Variants in SNX29 observed in about 807,000 individuals in gnomAD.
SNX29 encodes the protein sorting nexin 29, also known as sorting nexin-29.
In SNX29, 78 loss-of-function variants were observed where a neutral mutation model predicts 102.1. The observed-to-expected ratio is 0.76, with a 90% confidence interval of 0.64 to 0.92. SNX29 has a LOEUF of 0.92. Ranked by LOEUF, SNX29 falls within the 40% of genes least tolerant of loss-of-function variation. The pLI, the probability that SNX29 is intolerant of heterozygous loss-of-function variation, is 0.00. For synonymous variants in SNX29, 580 were observed against 414.5 expected, an observed-to-expected ratio of 1.40 and a Z score of -4.85; for missense variants, 1,280 against 1,061.7, an observed-to-expected ratio of 1.21 and a Z score of -2.86.
chr16:12,154,249 A>C (rs1210592539), intron 13 of SNX29, among the ~76,000 whole-genome samples: 2 of 152,062 alleles, frequency 1.3e-5, no homozygotes, highest in Non-Finnish European at 2.9e-5. Flanking sequence ...GTAATTGCCC[A>C]CAGAAGGAGA....
At chr16:12,456,956 C>G (rs983729551) in intron 18 of SNX29, among the ~76,000 whole-genome samples, 2 of 152,120 alleles carry the variant, frequency 1.3e-5, no homozygotes, top group African/African-American at 4.8e-5. Flanking sequence ...ATCTCAGGAC[C>G]AAAGCAGTGT....
intron 14 of SNX29, among the ~76,000 whole-genome samples, chr16:12,257,817 C>G (rs533626968): frequency 2.0e-5 from 3 of 152,010 alleles, no homozygotes; most frequent in African/African-American, 7.3e-5. Flanking sequence ...TGTGAGCCAC[C>G]GCACCCAGCA....
At chr16:12,323,395 C>T (rs1282962599) in intron 15 of SNX29, among the ~76,000 whole-genome samples, 1 of 152,050 alleles carries the variant, frequency 6.6e-6, no homozygotes, top group Non-Finnish European at 1.5e-5. Context: ...CTAAAGTAAA[C>T]TCATTTGTAA....
At chr16:12,211,247 G>A (rs2077175658) in intron 14 of SNX29, among the ~76,000 whole-genome samples, 1 of 152,132 alleles carries the variant, frequency 6.6e-6, no homozygotes, top group South Asian at 2.1e-4. Context: ...GGGAGAGATG[G>A]ACACTAAACA....
intron 4 of SNX29, among the ~76,000 whole-genome samples, chr16:12,035,895 C>T (rs1291460555): frequency 6.6e-6 from 1 of 152,014 alleles, no homozygotes; most frequent in Non-Finnish European, 1.5e-5. Context: ...GGCTTCATCC[C>T]GTTCCCTTTC....
At chr16:12,334,244 C>G (rs1015715871) in intron 15 of SNX29, among the ~76,000 whole-genome samples, 1 of 152,176 alleles carries the variant, frequency 6.6e-6, no homozygotes, top group East Asian at 1.9e-4. Context: ...AAACAAAGCA[C>G]ACCGCCAAGG....
chr16:12,524,114 A>C (rs926978654), intron 19 of SNX29, among the ~76,000 whole-genome samples: 2 of 152,164 alleles, frequency 1.3e-5, no homozygotes, highest in African/African-American at 4.8e-5. Flanking sequence ...TCAAACTCCC[A>C]GCCTCAGGTG....
chr16:12,380,190 G>T (rs1030899113), intron 16 of SNX29, among the ~76,000 whole-genome samples: 1 of 134,824 alleles, frequency 7.4e-6, no homozygotes, highest in Non-Finnish European at 1.5e-5. Flanking sequence ...CCTTGGTCTC[G>T]GTTCCAGGGG....
intron 19 of SNX29, among the ~76,000 whole-genome samples, chr16:12,523,575 G>A (rs922360379): frequency 3.3e-5 from 5 of 152,202 alleles, no homozygotes; most frequent in East Asian, 1.9e-4. Flanking sequence ...CAACGTGACA[G>A]TGTGGAGCCC....
chr16:12,318,478 G>C (rs1228060583), intron 15 of SNX29, among the ~76,000 whole-genome samples: 1 of 152,196 alleles, frequency 6.6e-6, no homozygotes, highest in African/African-American at 2.4e-5. Context: ...GGCATGACTT[G>C]GGAGGGCAGA....
chr16:12,562,727 C>T (rs1270705354), intron 20 of SNX29, among the ~76,000 whole-genome samples: 1 of 152,190 alleles, frequency 6.6e-6, no homozygotes, highest in African/African-American at 2.4e-5. Context: ...GGTACTGTTT[C>T]TCGCTTTTAT....
At chr16:12,464,637 TG>T (rs1484558262) in intron 18 of SNX29, among the ~76,000 whole-genome samples, 5 of 152,226 alleles carry the variant, frequency 3.3e-5, no homozygotes, top group Middle Eastern at 3.4e-3. Flanking sequence ...AAACTTTTTT[TG>T]TAGAGACAGT....
intron 18 of SNX29, among the ~76,000 whole-genome samples, chr16:12,476,351 C>CAAAA (rs150729550): frequency 1.1e-4 from 1 of 9,050 alleles, no homozygotes; most frequent in African/African-American, 3.0e-4. Flanking sequence ...CGACATTTCT[C>CAAAA]AAAAAAAAAA....
At chr16:12,428,327 A>G (rs9928048) in intron 18 of SNX29, among the ~76,000 whole-genome samples, 257 of 152,332 alleles carry the variant, frequency 1.7e-3, no homozygotes, top group African/African-American at 6.0e-3. Context: ...CCTTAAACAG[A>G]ACTCAGGGTG....
At chr16:12,172,577 ATAT>A (rs1047353283) in intron 13 of SNX29, among the ~76,000 whole-genome samples, 1 of 152,178 alleles carries the variant, frequency 6.6e-6, no homozygotes, top group Admixed American at 6.5e-5. Context: ...TGGGTTTATA[ATAT>A]TCTCTTCCTT....
At chr16:12,247,036 C>G (rs976680697) in intron 14 of SNX29, among the ~76,000 whole-genome samples, 1 of 152,112 alleles carries the variant, frequency 6.6e-6, no homozygotes, top group African/African-American at 2.4e-5. Flanking sequence ...CTTGTAGGTC[C>G]CTGGAAAGGT....
At chr16:12,043,588 T>C (rs2049973265) in intron 5 of SNX29, among the ~76,000 whole-genome samples, 1 of 151,686 alleles carries the variant, frequency 6.6e-6, no homozygotes, top group South Asian at 2.1e-4. Context: ...AACTCCTAGG[T>C]TCAAGTAATC....
intron 14 of SNX29, among the ~76,000 whole-genome samples, chr16:12,211,980 A>C (rs969379543): frequency 3.9e-5 from 6 of 152,152 alleles, no homozygotes; most frequent in African/African-American, 1.2e-4. Flanking sequence ...ATCCACCTAG[A>C]AAGTAGTAGA....
chr16:11,991,777 T>C (rs1167782758), intron 1 of SNX29, among the ~76,000 whole-genome samples: 1 of 144,370 alleles, frequency 6.9e-6, no homozygotes, highest in Non-Finnish European at 1.5e-5. Context: ...GGTCTCAAAC[T>C]CCTGACCTCA....
Sources: allele counts gnomAD v4.1 joint callset (sites outside exome capture counted in the v4.1 genomes callset), GRCh38; gene constraint gnomAD v4.1.1; transcripts MANE v1.5; gene names NCBI Gene and HGNC (gene_info 2026-07-23, HGNC 2026-07-21).